Variants in CNTLN observed in about 807,000 individuals in gnomAD.
CNTLN encodes the protein centlein, centrosomal protein.
A neutral mutation model predicts 180.0 loss-of-function variants in CNTLN; 212 were observed. The observed-to-expected ratio is 1.18, with a 90% CI of 1.05 to 1.32. CNTLN has a LOEUF of 1.32. CNTLN is among the 40% of genes most tolerant of loss of function. The pLI, the probability that CNTLN is intolerant of heterozygous loss-of-function variation, is 0.00. For missense variants in CNTLN, 2,095 were observed against 1,610.9 expected, an observed-to-expected ratio of 1.30 and a Z score of -5.14; for synonymous variants, 722 against 563.1, an observed-to-expected ratio of 1.28 and a Z score of -3.99.
chr9:17,352,964 G>C (rs975303705), intron 12 of CNTLN, among the ~76,000 whole-genome samples: 7 of 152,032 alleles, frequency 4.6e-5, no homozygotes, highest in African/African-American at 1.7e-4. Flanking sequence ...TAATCCCTTG[G>C]TGGACATTTG....
intron 2 of CNTLN, among the ~76,000 whole-genome samples, chr9:17,193,091 C>G (rs866358741): frequency 2.0e-5 from 3 of 152,106 alleles, no homozygotes; most frequent in Non-Finnish European, 4.4e-5. Flanking sequence ...GAAACTGCCC[C>G]CATGATTCAG....
intron 8 of CNTLN, among the ~76,000 whole-genome samples, chr9:17,317,512 G>A (rs917629598): frequency 6.6e-6 from 1 of 152,042 alleles, no homozygotes; most frequent in African/African-American, 2.4e-5. Context: ...ACAAAACAAG[G>A]CCTTTGTGCT....
chr9:17,170,902 C>G (rs1228806703), intron 2 of CNTLN, among the ~76,000 whole-genome samples: 2 of 152,004 alleles, frequency 1.3e-5, no homozygotes, highest in Non-Finnish European at 2.9e-5. Context: ...CAAATACTTA[C>G]CATTGTGTTA....
At position 17,503,591 on chromosome 9, in the gene CNTLN, G is replaced by A. The variant is rs893736956; in HGVS notation, c.*939G>A. 16 of 152,262 alleles carry A rather than the reference G, an allele frequency of 1.1e-4. No homozygotes were observed. Among genetic ancestry groups the A allele is most frequent in the African/African-American group, 3.9e-4 (16 of 41,506 alleles). 9.4% of individuals were successfully genotyped at this position (152,262 alleles called of 1,614,324 possible). A position where few individuals can be genotyped will look rare whatever the true frequency, so the allele number is the denominator to read the frequency against. On this transcript the variant is annotated 3_prime_UTR_variant, in exon 26 of 26. Coordinates refer to ENST00000380647, the MANE Select transcript of CNTLN (RefSeq NM_017738.4). ...TCATCATTCAGCTCCACCTTCCCCGGTCCCTCAGAGACACATTCTCTGACC... is the reference window on the plus strand; with the variant it reads ...TCATCATTCAGCTCCACCTTCCCCGATCCCTCAGAGACACATTCTCTGACC...
chr9:17,390,235 C>CTTTTTTTTTTTTT (rs35329298), intron 14 of CNTLN, among the ~76,000 whole-genome samples: 3 of 77,396 alleles, frequency 3.9e-5, no homozygotes, highest in Non-Finnish European at 7.0e-5. Flanking sequence ...AAAAGAGCCT[C>CTTTTTTTTTTTTT]TTTTTTTTTT....
chr9:17,317,040 G>GT (rs550773715), intron 8 of CNTLN, among the ~76,000 whole-genome samples: 8,808 of 150,576 alleles, frequency 0.058, 277 homozygotes, highest in South Asian at 0.14. Context: ...AGAAAAAAGT[G>GT]TTTTTTTTTT....
Position 17,340,885 on chromosome 9 carries a change from T to A in CNTLN, c.1703T>A (p.Met568Lys). The change falls in exon 11 of 26, where the codon ATG becomes AAG. Residue 568 changes from methionine to lysine, a missense_variant. Physicochemically the swap from Met to Lys is moderately conservative, Grantham distance 95. Coordinates refer to ENST00000380647, the MANE Select transcript of CNTLN (RefSeq NM_017738.4). ...AHEKRKERLQ[M>K]LQTNYRAVKE... Reference sequence around the variant, plus strand: ...GAAAAACGCAAGGAACGGCTACAGATGTTACAGACCAACTACAGAGCAGTA... The same window carrying A: ...GAAAAACGCAAGGAACGGCTACAGAAGTTACAGACCAACTACAGAGCAGTA... 1.2e-6 allele frequency: 2 copies of A among 1,612,542 alleles called. No homozygotes were observed. Among genetic ancestry groups the A allele is most frequent in the Non-Finnish European group, 1.7e-6 (2 of 1,179,114 alleles).
the CNTLN span, among the ~76,000 whole-genome samples, chr9:17,527,424 C>T: frequency 1.3e-5 from 2 of 152,210 alleles, no homozygotes; most frequent in Non-Finnish European, 2.9e-5. Flanking sequence ...TAGATAGAAG[C>T]TCTCACTGTG....
chr9:17,357,237 TTGTTTATTCAGCCATTGATGGA>T (rs1822920847), intron 12 of CNTLN, among the ~76,000 whole-genome samples: 1 of 150,426 alleles, frequency 6.6e-6, no homozygotes, highest in South Asian at 2.1e-4. Context: ...ATACCACATT[TTGTTTATTCAGCCATTGATGGA>T]TGTTTGGGTT....
intron 5 of CNTLN, among the ~76,000 whole-genome samples, chr9:17,247,390 C>T (rs561497254): frequency 6.6e-6 from 1 of 152,138 alleles, no homozygotes; most frequent in Admixed American, 6.6e-5. Context: ...CCCCATATTG[C>T]TTTCTACTAT....
At chr9:17,415,184 T>G (rs915875966) in intron 16 of CNTLN, among the ~76,000 whole-genome samples, 3 of 152,150 alleles carry the variant, frequency 2.0e-5, no homozygotes, top group African/African-American at 7.2e-5. Flanking sequence ...CAACAAGGCT[T>G]CCTTTTATTC....
At chr9:17,220,875 T>C (rs893047338) in intron 2 of CNTLN, among the ~76,000 whole-genome samples, 11 of 152,168 alleles carry the variant, frequency 7.2e-5, no homozygotes, top group Admixed American at 3.3e-4. Context: ...ATTCCATGTC[T>C]TTGCTATTGT....
At chr9:17,251,142 A>G (rs1027991047) in intron 5 of CNTLN, among the ~76,000 whole-genome samples, 1 of 152,008 alleles carries the variant, frequency 6.6e-6, no homozygotes, top group African/African-American at 2.4e-5. Flanking sequence ...CATGTATGTG[A>G]TGAGTCACTT....
At chr9:17,333,252 G>T (rs917332344) in intron 10 of CNTLN, among the ~76,000 whole-genome samples, 6 of 152,052 alleles carry the variant, frequency 3.9e-5, no homozygotes, top group African/African-American at 1.4e-4. Context: ...TAAGAAACAT[G>T]TATGTTATCG....
chr9:17,372,210 C>A (rs1002498391), intron 13 of CNTLN, among the ~76,000 whole-genome samples: 9 of 151,944 alleles, frequency 5.9e-5, no homozygotes, highest in Non-Finnish European at 1.2e-4. Context: ...AATTTACAAA[C>A]GTTTAACCAG....
intron 7 of CNTLN, among the ~76,000 whole-genome samples, chr9:17,305,188 A>T (rs1818624725): frequency 6.6e-6 from 1 of 152,120 alleles, no homozygotes; most frequent in Admixed American, 6.6e-5. Flanking sequence ...TCCCCTGGAG[A>T]TCCTTTTAAC....
In CNTLN at chr9:17,281,401, C is replaced by T. The variant is rs192479734; in HGVS notation, c.983+7535C>T. 2.6e-5 allele frequency among the ~76,000 whole-genome samples: 4 copies of T among 152,024 alleles called. No individual in the cohort carries two copies. In the East Asian group the frequency reaches 7.8e-4, roughly 30 times the overall value. ...CAATCTATCACCTAGGTATTAAGCC[C>T]CACATATATTAGCTATTTATCCTGA... On this transcript the variant is annotated intron_variant, in intron 6 of 25. Coordinates refer to ENST00000380647, the MANE Select transcript of CNTLN (RefSeq NM_017738.4).
chr9:17,278,119 G>A (rs565713383), intron 6 of CNTLN, among the ~76,000 whole-genome samples: 44 of 152,048 alleles, frequency 2.9e-4, no homozygotes, highest in African/African-American at 1.0e-3. Context: ...ATAAATATCC[G>A]GACCTCTTTC....
At chr9:17,216,846 G>A (rs755897740) in intron 2 of CNTLN, among the ~76,000 whole-genome samples, 4 of 152,208 alleles carry the variant, frequency 2.6e-5, no homozygotes, top group Non-Finnish European at 2.9e-5. Context: ...TGATAGTAGC[G>A]TGGCTGTTTG....
Sources: allele counts gnomAD v4.1 joint callset (sites outside exome capture counted in the v4.1 genomes callset), GRCh38; gene constraint gnomAD v4.1.1; transcripts MANE v1.5; gene names NCBI Gene and HGNC (gene_info 2026-07-23, HGNC 2026-07-21).